IFT43: variants seen among roughly 807,000 people sequenced by gnomAD.
IFT43 encodes intraflagellar transport 43, also known as intraflagellar transport protein 43 homolog.
IFT43 carries 33 observed loss-of-function variants against 32.3 expected under a neutral mutation model. That is an observed-to-expected ratio of 1.02 (90% CI 0.77 to 1.37). The LOEUF is 1.37. Ranked by LOEUF, IFT43 falls within the 40% of genes most tolerant of loss-of-function variation. The pLI, the probability that IFT43 is intolerant of heterozygous loss-of-function variation, is 0.00. For missense variants in IFT43, 274 were observed against 265.9 expected, an observed-to-expected ratio of 1.03 and a Z score of -0.21; for synonymous variants, 93 against 98.2, an observed-to-expected ratio of 0.95 and a Z score of 0.31.
intron 3 of IFT43, 166 bp downstream of exon 3, chr14:76,022,560 C>T: frequency 1.9e-6 from 1 of 536,728 alleles, no homozygotes; most frequent in Non-Finnish European, 3.4e-6. Flanking sequence ...AATATATTCA[C>T]AGAGTTGTGC....
At chr14:76,013,493 C>T (rs61979195) in intron 2 of IFT43, among the ~76,000 whole-genome samples, 89 of 152,338 alleles carry the variant, frequency 5.8e-4, no homozygotes, top group Non-Finnish European at 8.2e-4. Flanking sequence ...GGTGTGCGTC[C>T]TGTGTTTCAG....
chr14:75,991,388 A>T (rs1419940222), intron 2 of IFT43, among the ~76,000 whole-genome samples: 4 of 141,988 alleles, frequency 2.8e-5, no homozygotes, highest in African/African-American at 7.9e-5. Context: ...TATTAACAAG[A>T]GTGTGTGTGT....
chr14:76,067,867 GTTTTTA>G (rs2037253361), intron 5 of IFT43, among the ~76,000 whole-genome samples: 1 of 152,158 alleles, frequency 6.6e-6, no homozygotes, highest in East Asian at 1.9e-4. Context: ...TCGAATTCAC[GTTTTTA>G]AAAATGACAG....
At chr14:76,034,443 C>T (rs1170323850) in intron 3 of IFT43, among the ~76,000 whole-genome samples, 1 of 152,180 alleles carries the variant, frequency 6.6e-6, no homozygotes, top group Admixed American at 6.5e-5. Context: ...AGGATTTCAA[C>T]ATAAGAATTT....
chr14:76,019,601 A>T (rs1181301066), intron 2 of IFT43, among the ~76,000 whole-genome samples: 1 of 152,122 alleles, frequency 6.6e-6, no homozygotes, highest in East Asian at 1.9e-4. Context: ...CTGTATCTGA[A>T]TATCTATATC....
chr14:76,001,969 C>T (rs1014044847), intron 2 of IFT43, among the ~76,000 whole-genome samples: 2 of 152,326 alleles, frequency 1.3e-5, no homozygotes, highest in African/African-American at 2.4e-5. Flanking sequence ...ACATCTTGGC[C>T]GGACATGGTG....
intron 2 of IFT43, among the ~76,000 whole-genome samples, chr14:76,020,328 ATTG>A (rs1198246721): frequency 6.6e-6 from 1 of 151,822 alleles, no homozygotes; most frequent in Non-Finnish European, 1.5e-5. Context: ...CTTTAATATC[ATTG>A]TTTTGAATTC....
chr14:76,045,998 A>C (rs541028520), intron 3 of IFT43, among the ~76,000 whole-genome samples: 5 of 152,280 alleles, frequency 3.3e-5, no homozygotes, highest in African/African-American at 1.2e-4. Context: ...CTGCCCTACT[A>C]TAAAGACCGT....
At chr14:76,078,425 G>C (rs1195284772) in intron 5 of IFT43, among the ~76,000 whole-genome samples, 3 of 152,180 alleles carry the variant, frequency 2.0e-5, no homozygotes, top group Admixed American at 6.5e-5. Flanking sequence ...GCCTCCACCA[G>C]ACTGGTGCCC....
chr14:76,051,486 A>C (rs2140033439), intron 3 of IFT43, among the ~76,000 whole-genome samples: 1 of 152,064 alleles, frequency 6.6e-6, no homozygotes, highest in Non-Finnish European at 1.5e-5. Flanking sequence ...TCCTTTCCTC[A>C]CATTTGGGTT....
At chr14:76,061,244 CT>C in intron 5 of IFT43, among the ~76,000 whole-genome samples, 1 of 152,146 alleles carries the variant, frequency 6.6e-6, no homozygotes. Context: ...TGTAATGTAT[CT>C]TTCCCCCTAT....
chr14:75,999,281 A>ATATATT (rs1566699821), intron 2 of IFT43, among the ~76,000 whole-genome samples: 48 of 39,016 alleles, frequency 1.2e-3, no homozygotes, highest in East Asian at 2.4e-3. Flanking sequence ...ATGTATATAT[A>ATATATT]TTTTTTTTTT....
intron 2 of IFT43, among the ~76,000 whole-genome samples, chr14:76,007,677 CAGAA>C (rs1288102733): frequency 3.3e-5 from 5 of 152,114 alleles, no homozygotes; most frequent in African/African-American, 4.8e-5. Context: ...TTTTAATAAA[CAGAA>C]AGGAGTTAAG....
At chr14:75,995,218 T>C (rs1393212039) in intron 2 of IFT43, among the ~76,000 whole-genome samples, 4 of 151,946 alleles carry the variant, frequency 2.6e-5, no homozygotes, top group Non-Finnish European at 5.9e-5. Context: ...GTGACTCTAG[T>C]TGAGTCTTTC....
At chr14:76,064,113 C>G (rs2037188651) in intron 5 of IFT43, among the ~76,000 whole-genome samples, 1 of 152,154 alleles carries the variant, frequency 6.6e-6, no homozygotes, top group African/African-American at 2.4e-5. Flanking sequence ...TCATCATTCT[C>G]CAGTCTTTTT....
At chr14:76,080,427 C>G (rs1354132622) in intron 5 of IFT43, among the ~76,000 whole-genome samples, 1 of 152,174 alleles carries the variant, frequency 6.6e-6, no homozygotes, top group Non-Finnish European at 1.5e-5. Flanking sequence ...GGACATCGGG[C>G]AGAAGTGCAA....
rs371762422 is a variant in IFT43, at chr14:76,009,801, G to GT, written c.148-12515dup. On this transcript the variant is annotated intron_variant, in intron 2 of 8. Coordinates refer to ENST00000314067, the MANE Select transcript of IFT43 (RefSeq NM_001102564.3). ...AGATTAGTTGGTGTCTCATCTAGTG[G>GT]TTTTTTTTTTTGAGACAGAGTCTTG... is the stretch of plus-strand genomic sequence containing the variant. Among the ~76,000 whole-genome samples the GT allele has an allele frequency of 3.0e-3, 438 of 146,918 alleles. 2 individuals are homozygous for GT. Among genetic ancestry groups the GT allele is most frequent in the South Asian group, 5.0e-3 (23 of 4,580 alleles).
intron 3 of IFT43, among the ~76,000 whole-genome samples, chr14:76,042,942 C>G (rs1009329065): frequency 5.3e-5 from 8 of 152,184 alleles, no homozygotes; most frequent in Non-Finnish European, 1.2e-4. Flanking sequence ...GTGCCACCTT[C>G]TCTTATTGGG....
At position 76,000,239 on chromosome 14, in the gene IFT43, T is replaced by C. The variant is rs116400374; in HGVS notation, c.147+11262T>C. On this transcript the variant is annotated intron_variant, in intron 2 of 8. Coordinates refer to ENST00000314067, the MANE Select transcript of IFT43 (RefSeq NM_001102564.3). ...TGTGATATTTATATTTTTCTTAGTA[T>C]ACATAACATACATAACTGGCTTCTT... 5.1e-3 allele frequency among the ~76,000 whole-genome samples: 771 copies of C among 151,402 alleles called. 11 individuals are homozygous for C. The highest frequency in any genetic ancestry group is 0.018 in the African/African-American group (743 of 41,314).
Sources: allele counts gnomAD v4.1 joint callset (sites outside exome capture counted in the v4.1 genomes callset), GRCh38; gene constraint gnomAD v4.1.1; transcripts MANE v1.5; gene names NCBI Gene and HGNC (gene_info 2026-07-23, HGNC 2026-07-21).